The following GREB1L variants were observed in gnomAD, a reference collection of about 807,000 sequenced individuals.
GREB1L encodes the protein GREB1 like retinoic acid receptor coactivator.
A neutral mutation model predicts 200.8 loss-of-function variants in GREB1L; 17 were observed. That is an observed-to-expected ratio of 0.08 (90% confidence interval 0.06 to 0.13). The LOEUF (loss-of-function observed/expected upper bound fraction) is 0.13. Among genes scored for constraint, GREB1L ranks in the 10% least tolerant of loss-of-function variants. GREB1L has a pLI of 1.00. For missense variants in GREB1L, 1,657 were observed against 2,367.7 expected, an observed-to-expected ratio of 0.70 and a Z score of 6.23; for synonymous variants, 789 against 893.0, an observed-to-expected ratio of 0.88 and a Z score of 2.08.
chr18:21,525,573 A>AATCT lies in GREB1L; in HGVS notation c.*2753_*2756dup, dbSNP rs1555666438. ...GTTGAAAACATACATAGTAGATACC[A>AATCT]ATCTTTTATTTGACAGATTGCAACT... is the stretch of plus-strand genomic sequence containing the variant. On this transcript the variant is annotated 3_prime_UTR_variant, in exon 33 of 33. Coordinates refer to ENST00000424526, the MANE Select transcript of GREB1L (RefSeq NM_001142966.3). 6.6e-6 allele frequency among the ~76,000 whole-genome samples: 1 copy of AATCT among 152,186 alleles called. No homozygotes were observed. Among genetic ancestry groups the AATCT allele is most frequent in the Non-Finnish European group, 1.5e-5 (1 of 68,034 alleles).
intron 15 of GREB1L, among the ~76,000 whole-genome samples, chr18:21,457,839 T>C (rs2034840693): frequency 2.0e-5 from 3 of 152,156 alleles, no homozygotes; most frequent in South Asian, 2.1e-4. Flanking sequence ...TTTAAAATCA[T>C]AGCTGTTAAA....
At chr18:21,284,391 T>C (rs1402479617) in intron 1 of GREB1L, among the ~76,000 whole-genome samples, 1 of 152,336 alleles carries the variant, frequency 6.6e-6, no homozygotes, top group South Asian at 2.1e-4. Context: ...TCTATAGATA[T>C]GCCTATTCTA....
At chr18:21,441,781 G>C (rs16941899) in intron 10 of GREB1L, among the ~76,000 whole-genome samples, 188 of 152,270 alleles carry the variant, frequency 1.2e-3, no homozygotes, top group African/African-American at 4.4e-3. Context: ...AGCCACCAGC[G>C]TTGGTAAATA....
intron 1 of GREB1L, among the ~76,000 whole-genome samples, chr18:21,268,063 T>C (rs1405368921): frequency 6.6e-6 from 1 of 152,122 alleles, no homozygotes; most frequent in Non-Finnish European, 1.5e-5. Flanking sequence ...CAGTTGGTTC[T>C]CATGATATTG....
chr18:21,508,578 T>C lies in GREB1L; in HGVS notation c.4722T>C (p.Asn1574=). 1 of 1,551,656 alleles carries C rather than the reference T, an allele frequency of 6.4e-7. No individual in the cohort carries two copies. The highest frequency in any genetic ancestry group is 8.7e-7 in the Non-Finnish European group (1 of 1,147,014). The change falls in exon 27 of 33, where the codon AAT becomes AAC. Residue 1574 remains asparagine, a synonymous_variant. Coordinates refer to ENST00000424526, the MANE Select transcript of GREB1L (RefSeq NM_001142966.3). The part of the protein sequence containing the change: ...HIMLVLPGMF[N]NAGVGAARFL... ...TGCTGGTGCTTCCCGGCATGTTCAA[T>C]AATGCAGGCGTGGGTAAGGGGCCCC...
At chr18:21,397,634 G>A (rs2144431376) in intron 5 of GREB1L, among the ~76,000 whole-genome samples, 1 of 152,268 alleles carries the variant, frequency 6.6e-6, no homozygotes, top group South Asian at 2.1e-4. Flanking sequence ...CCGGGAGGTG[G>A]AGCTTGCAGT....
At chr18:21,347,623 T>C (rs1033912430) in intron 1 of GREB1L, among the ~76,000 whole-genome samples, 52 of 151,204 alleles carry the variant, frequency 3.4e-4, no homozygotes, top group Non-Finnish European at 6.6e-4. Context: ...GCCTGGTTAA[T>C]TTTTTGTATT....
chr18:21,399,094 A>G (rs1159285566), intron 5 of GREB1L, among the ~76,000 whole-genome samples: 1 of 152,186 alleles, frequency 6.6e-6, no homozygotes, highest in Non-Finnish European at 1.5e-5. Context: ...TTTTCACCTC[A>G]GAATAGACAG....
chr18:21,459,603 A>C (rs1304803273), intron 15 of GREB1L, among the ~76,000 whole-genome samples: 2 of 152,090 alleles, frequency 1.3e-5, no homozygotes, highest in African/African-American at 4.8e-5. Context: ...CTCAGTTTCT[A>C]AAAACAGATT....
chr18:21,270,760 A>G (rs545884322), intron 1 of GREB1L, among the ~76,000 whole-genome samples: 1 of 152,374 alleles, frequency 6.6e-6, no homozygotes, highest in Admixed American at 6.5e-5. Context: ...ATAGTCAGCA[A>G]GGACTTTCTC....
chr18:21,284,268 C>T (rs773054595), intron 1 of GREB1L, among the ~76,000 whole-genome samples: 2 of 152,146 alleles, frequency 1.3e-5, no homozygotes, highest in African/African-American at 4.8e-5. Context: ...ACCATGATCA[C>T]GATTAATTTT....
In GREB1L at chr18:21,520,700, T is replaced by C. The variant is rs1193339132; in HGVS notation, c.5485T>C (p.Tyr1829His). ...TTGATGATTTCAGGTGGCCATATGC[T>C]ATATCAGCTCCAGACCCCACTCCAG... ...LNIGPEVAIC[Y>H]ISSRPHSSNV... is the part of the protein sequence containing the mutation. The change falls in exon 32 of 33, where the codon TAT (tyrosine) becomes CAT (histidine). Residue 1829 changes from tyrosine to histidine, a missense_variant. Coordinates refer to ENST00000424526, the MANE Select transcript of GREB1L (RefSeq NM_001142966.3). 6.4e-7 allele frequency: 1 copy of C among 1,551,676 alleles called. No homozygotes were observed. Among genetic ancestry groups the C allele is most frequent in the Non-Finnish European group, 8.7e-7 (1 of 1,146,978 alleles).
intron 1 of GREB1L, among the ~76,000 whole-genome samples, chr18:21,301,718 T>C (rs991183690): frequency 5.9e-5 from 9 of 152,230 alleles, no homozygotes; most frequent in African/African-American, 2.2e-4. Context: ...GTTATGATAT[T>C]TGATGAGATA....
intron 17 of GREB1L, among the ~76,000 whole-genome samples, chr18:21,481,834 G>A (rs917348098): frequency 6.6e-6 from 1 of 152,092 alleles, no homozygotes; most frequent in African/African-American, 2.4e-5. Context: ...TTTGCTCTGT[G>A]TGTGTGTTAC....
At chr18:21,424,578 T>C (rs1208884901) in intron 7 of GREB1L, among the ~76,000 whole-genome samples, 5 of 151,952 alleles carry the variant, frequency 3.3e-5, no homozygotes, top group African/African-American at 1.2e-4. Flanking sequence ...CAAAATAAAG[T>C]GTGACAGAGT....
intron 1 of GREB1L, among the ~76,000 whole-genome samples, chr18:21,299,562 G>A (rs370776432): frequency 2.2e-4 from 32 of 147,244 alleles, no homozygotes; most frequent in East Asian, 7.9e-4. Context: ...CCCTCTGTTC[G>A]GAAGTGATAC....
chr18:21,336,238 C>G (rs2039183781), intron 1 of GREB1L, among the ~76,000 whole-genome samples: 2 of 152,092 alleles, frequency 1.3e-5, no homozygotes, highest in Admixed American at 6.5e-5. Flanking sequence ...AAGCAACCAC[C>G]CTCTTCTTCC....
chr18:21,449,860 T>G, intron 12 of GREB1L, 24 bp downstream of exon 12: 1 of 1,455,244 alleles, frequency 6.9e-7, no homozygotes, highest in Non-Finnish European at 9.2e-7. Flanking sequence ...TTGTTTTTTG[T>G]TTGTTTAATC....
intron 1 of GREB1L, among the ~76,000 whole-genome samples, chr18:21,257,980 G>A (rs1476710598): frequency 6.6e-6 from 1 of 151,970 alleles, no homozygotes. Flanking sequence ...GAGCCTTCAG[G>A]TACTAAGTGT....
Sources: allele counts gnomAD v4.1 joint callset (sites outside exome capture counted in the v4.1 genomes callset), GRCh38; gene constraint gnomAD v4.1.1; transcripts MANE v1.5; gene names NCBI Gene and HGNC (gene_info 2026-07-23, HGNC 2026-07-21).